The following IL1RAPL1 variants were observed in gnomAD, a reference collection of about 807,000 sequenced individuals.
IL1RAPL1 encodes the protein interleukin 1 receptor accessory protein like 1.
In IL1RAPL1, 3 loss-of-function variants were observed where a neutral mutation model predicts 48.4. The ratio of observed to expected loss-of-function variants is 0.06; its 90% confidence interval spans 0.03 to 0.16. The LOEUF is 0.16. Ranked by LOEUF, IL1RAPL1 falls within the 10% of genes least tolerant of loss-of-function variation. The pLI, the probability that IL1RAPL1 is intolerant of heterozygous loss-of-function variation, is 1.00. For synonymous variants in IL1RAPL1, 185 were observed against 187.7 expected (o/e 0.99, Z 0.12); for missense variants, 349 against 530.6 (o/e 0.66, Z 3.36).
intron 6 of IL1RAPL1, among the ~76,000 whole-genome samples, chrX:29,891,616 T>C (rs1932276777): frequency 1.8e-5 from 2 of 111,475 alleles, no homozygotes; most frequent in Admixed American, 9.5e-5. Flanking sequence ...ACCTGAAAGA[T>C]TATGATACAC....
intron 2 of IL1RAPL1, among the ~76,000 whole-genome samples, chrX:29,265,033 T>C (rs1013000638): frequency 4.5e-5 from 5 of 111,163 alleles, no homozygotes; most frequent in Non-Finnish European, 9.4e-5. Context: ...GTGCCCCAGC[T>C]TCCCGAGTAG....
At chrX:29,430,301 G>A (rs549502641) in intron 5 of IL1RAPL1, among the ~76,000 whole-genome samples, 6 of 111,192 alleles carry the variant, frequency 5.4e-5, no homozygotes, top group African/African-American at 2.0e-4. Context: ...AGCAAGTGCT[G>A]TGGAGTAGTC....
chrX:29,743,489 T>G (rs373603460), intron 6 of IL1RAPL1, among the ~76,000 whole-genome samples: 4 of 111,502 alleles, frequency 3.6e-5, no homozygotes, highest in Middle Eastern at 4.7e-3. Context: ...TTCTCTTTTT[T>G]CATTTTTATT....
chrX:29,649,629 G>A (rs1238468547), intron 5 of IL1RAPL1, among the ~76,000 whole-genome samples: 1 of 111,538 alleles, frequency 9.0e-6, no homozygotes, highest in African/African-American at 3.3e-5. Context: ...AAGACCATAT[G>A]TGACAAACCT....
rs868797484 is a variant in IL1RAPL1 at position 29,408,070 on chromosome X, T to G, written c.703+8762T>G. On this transcript the variant is annotated intron_variant, in intron 5 of 10. Coordinates refer to ENST00000378993, the MANE Select transcript of IL1RAPL1 (RefSeq NM_014271.4). The stretch of plus-strand genomic sequence containing the variant: ...TATAACCCTAGTCTTCTGCCAGATA[T>G]ATGTGGGAATGTGGGTATGGGGAAA... Among the ~76,000 whole-genome samples, 4 of 111,737 alleles carry G rather than the reference T, an allele frequency of 3.6e-5. No individual in the cohort carries two copies. The Admixed American group carries it at 3.8e-4, about 11-fold the overall frequency.
At chrX:29,661,082 A>G (rs1343568364) in intron 5 of IL1RAPL1, among the ~76,000 whole-genome samples, 1 of 111,458 alleles carries the variant, frequency 9.0e-6, no homozygotes, top group Non-Finnish European at 1.9e-5. Context: ...TAGGTATTCT[A>G]TTTTTTGTGC....
At chrX:28,868,115 A>T (rs1221872618) in intron 2 of IL1RAPL1, among the ~76,000 whole-genome samples, 1 of 111,584 alleles carries the variant, frequency 9.0e-6, no homozygotes, top group East Asian at 2.8e-4. Context: ...AAGTATAGTC[A>T]CCAAAGTAAA....
At chrX:29,694,895 G>A (rs1369238188) in intron 6 of IL1RAPL1, among the ~76,000 whole-genome samples, 2 of 111,285 alleles carry the variant, frequency 1.8e-5, no homozygotes, top group East Asian at 5.6e-4. Flanking sequence ...CACCGTAGTT[G>A]GGATGGTTAT....
intron 2 of IL1RAPL1, among the ~76,000 whole-genome samples, chrX:29,117,576 A>G (rs764041410): frequency 2.7e-5 from 3 of 112,195 alleles, no homozygotes; most frequent in Non-Finnish European, 5.6e-5. Flanking sequence ...ATAAAACATT[A>G]CTTGAGAAAT....
chrX:29,951,885 G>A (rs1323567732), intron 9 of IL1RAPL1, among the ~76,000 whole-genome samples: 1 of 107,472 alleles, frequency 9.3e-6, no homozygotes, highest in Non-Finnish European at 1.9e-5. Context: ...AATTGAGGAG[G>A]CATCTACACA....
rs749519061 is a variant in IL1RAPL1, at chrX:29,036,604, A to G, written c.83-246334A>G. On this transcript the variant is annotated intron_variant, in intron 2 of 10. Transcript: ENST00000378993. ...TCTAGAATATTAAATTTTAGAATCT[A>G]TAGAGGTAGAAACATCACAACCATT... Among the ~76,000 whole-genome samples, 12 of 112,337 alleles carry G rather than the reference A, an allele frequency of 1.1e-4. No individual in the cohort carries two copies. In the South Asian group the frequency reaches 4.4e-3, roughly 42 times the overall value.
At chrX:29,866,089 G>A (rs188597179) in intron 6 of IL1RAPL1, among the ~76,000 whole-genome samples, 138 of 111,706 alleles carry the variant, frequency 1.2e-3, no homozygotes, top group African/African-American at 4.4e-3. Flanking sequence ...TTTGGGATTA[G>A]CTTTGGGTTC....
At chrX:28,781,419 A>G (rs1433225864) in intron 1 of IL1RAPL1, among the ~76,000 whole-genome samples, 1 of 109,429 alleles carries the variant, frequency 9.1e-6, no homozygotes, top group African/African-American at 3.3e-5. Context: ...TTCTTGTTGA[A>G]AGCCAAAAGG....
chrX:29,748,058 C>T (rs982421537), intron 6 of IL1RAPL1, among the ~76,000 whole-genome samples: 1 of 111,572 alleles, frequency 9.0e-6, no homozygotes, highest in African/African-American at 3.3e-5. Context: ...TGTCATGTGC[C>T]GTTGGGACGC....
intron 6 of IL1RAPL1, among the ~76,000 whole-genome samples, chrX:29,835,234 TA>T (rs200518768): frequency 1.8e-5 from 2 of 110,460 alleles, no homozygotes; most frequent in African/African-American, 6.6e-5. Context: ...TCTCTTACTT[TA>T]AAAAAAAACT....
chrX:29,611,701 C>A (rs904109705), intron 5 of IL1RAPL1, among the ~76,000 whole-genome samples: 1 of 111,321 alleles, frequency 9.0e-6, no homozygotes, highest in Non-Finnish European at 1.9e-5. Context: ...GCACCCTGCC[C>A]TCTTGGTACC....
At chrX:28,618,658 A>T (rs1934249056) in intron 1 of IL1RAPL1, among the ~76,000 whole-genome samples, 1 of 112,174 alleles carries the variant, frequency 8.9e-6, no homozygotes, top group Non-Finnish European at 1.9e-5. Context: ...TTTTTTTCAA[A>T]ATTACTAGGG....
At chrX:29,517,341 A>G (rs190659453) in intron 5 of IL1RAPL1, among the ~76,000 whole-genome samples, 15 of 108,497 alleles carry the variant, frequency 1.4e-4, no homozygotes, top group East Asian at 8.5e-4. Flanking sequence ...TACCAAATGT[A>G]TATATATATA....
At chrX:28,707,617 G>A (rs1034503394) in intron 1 of IL1RAPL1, among the ~76,000 whole-genome samples, 1 of 111,897 alleles carries the variant, frequency 8.9e-6, no homozygotes, top group Admixed American at 9.5e-5. Context: ...GAGGGCAAAT[G>A]CCTGAAAATC....
Sources: allele counts gnomAD v4.1 joint callset (sites outside exome capture counted in the v4.1 genomes callset), GRCh38; gene constraint gnomAD v4.1.1; transcripts MANE v1.5; gene names NCBI Gene and HGNC (gene_info 2026-07-23, HGNC 2026-07-21).